ADGRG2: variants seen among roughly 807,000 people sequenced by gnomAD.
ADGRG2 encodes adhesion G protein-coupled receptor G2.
In ADGRG2, 26 loss-of-function variants were observed where a neutral mutation model predicts 74.1. The ratio of observed to expected loss-of-function variants is 0.35; its 90% confidence interval spans 0.26 to 0.49. The LOEUF (loss-of-function observed/expected upper bound fraction) is 0.49. Among genes scored for constraint, ADGRG2 ranks in the 20% least tolerant of loss-of-function variants. The pLI is 0.99. For synonymous variants in ADGRG2, 296 were observed against 295.2 expected (o/e 1.00, Z -0.03); for missense variants, 619 against 763.1 (o/e 0.81, Z 2.22).
In ADGRG2 at chrX:18,999,148, A is replaced by G; in HGVS notation, c.2462T>C (p.Leu821Pro). 8.3e-7 allele frequency: 1 copy of G among 1,211,261 alleles called. No individual in the cohort carries two copies. Among genetic ancestry groups the G allele is most frequent in the Non-Finnish European group, 1.1e-6 (1 of 895,112 alleles). The change falls in exon 26 of 29, where the codon CTG becomes CCG. Residue 821 changes from leucine (L) to proline (P), a missense_variant. Physicochemically the swap from Leu to Pro is moderately conservative, Grantham distance 98. Coordinates refer to ENST00000379869, the MANE Select transcript of ADGRG2 (RefSeq NM_001079858.3). ...AATACTGGTTTTTCGCTGGGCTCCC[A>G]GTTGCTTCTTCTTTTTAATTCGACA... is the stretch of plus-strand genomic sequence containing the variant. Reference protein sequence around the residue: ...QLCRIKKKKQLGAQRKTSIQD... With the variant: ...QLCRIKKKKQPGAQRKTSIQD...
chrX:19,064,438 T>C (rs11094761), intron 3 of ADGRG2, among the ~76,000 whole-genome samples: 32,723 of 111,191 alleles, frequency 0.29, 3,666 homozygotes, highest in East Asian at 0.41. Flanking sequence ...CCAGTACTGC[T>C]GGGCACACAG....
chrX:19,117,810 T>A (rs540776914), intron 1 of ADGRG2, among the ~76,000 whole-genome samples: 3 of 110,629 alleles, frequency 2.7e-5, no homozygotes, highest in African/African-American at 9.9e-5. Context: ...AGAGCAGGAC[T>A]CTATCTAAAT....
In ADGRG2 at chrX:19,018,273, TTTTG is replaced by T. The variant is rs974836715; in HGVS notation, c.710+1322_710+1325del. On this transcript the variant is annotated intron_variant, in intron 15 of 28. Coordinates refer to ENST00000379869, the MANE Select transcript of ADGRG2 (RefSeq NM_001079858.3). ...CAGGCACGTGCCACGATGCCCAGTT[TTTTG>T]TTTGTTTGTTTGTTTGTTTTTTTTT... is the stretch of plus-strand genomic sequence containing the variant. Among the ~76,000 whole-genome samples, 20 of 109,512 alleles carry T rather than the reference TTTTG, an allele frequency of 1.8e-4. 1 individual carries two copies. The South Asian group carries it at 2.0e-3, about 11-fold the overall frequency.
At chrX:19,007,926 A>T in intron 19 of ADGRG2, 54 bp downstream of exon 19, 2 of 1,050,450 alleles carry the variant, frequency 1.9e-6, no homozygotes, top group South Asian at 4.4e-5. Context: ...AAGAAATGAA[A>T]TGCCCTCATC....
chrX:19,068,466 G>A (rs2061600700), intron 3 of ADGRG2, among the ~76,000 whole-genome samples: 1 of 110,805 alleles, frequency 9.0e-6, no homozygotes, highest in Non-Finnish European at 1.9e-5. Context: ...GGGGGGGAAG[G>A]AAATTGGGAG....
chrX:19,093,780 T>A (rs1219800100), intron 1 of ADGRG2, among the ~76,000 whole-genome samples: 4 of 111,677 alleles, frequency 3.6e-5, no homozygotes, highest in African/African-American at 1.3e-4. Flanking sequence ...CAAATTTCAA[T>A]GACTGTGGTC....
intron 3 of ADGRG2, among the ~76,000 whole-genome samples, chrX:19,051,937 T>C (rs947372375): frequency 3.6e-5 from 4 of 112,349 alleles, no homozygotes; most frequent in African/African-American, 1.3e-4. Flanking sequence ...TAAATGACAG[T>C]TGTATTAAGC....
intron 3 of ADGRG2, among the ~76,000 whole-genome samples, chrX:19,053,264 G>A (rs1200918796): frequency 3.6e-5 from 4 of 111,284 alleles, no homozygotes; most frequent in Admixed American, 9.6e-5. Context: ...GGCAAGACAC[G>A]ATGAGGACTT....
intron 4 of ADGRG2, among the ~76,000 whole-genome samples, chrX:19,037,931 C>T (rs189509877): frequency 8.9e-5 from 10 of 111,988 alleles, no homozygotes; most frequent in African/African-American, 2.9e-4. Flanking sequence ...ACAAGAAATA[C>T]TACTTTAAAA....
At chrX:19,007,868 C>T (rs745372327) in intron 19 of ADGRG2, 112 bp downstream of exon 19, 34 of 578,359 alleles carry the variant, frequency 5.9e-5, no homozygotes, top group African/African-American at 9.2e-5. Flanking sequence ...TGCAGCATTT[C>T]GGCAATTCAT....
intron 1 of ADGRG2, among the ~76,000 whole-genome samples, chrX:19,101,201 G>C (rs1014076720): frequency 1.0e-4 from 11 of 108,627 alleles, no homozygotes; most frequent in Non-Finnish European, 1.7e-4. Context: ...TCTGGGAGTG[G>C]TTTGTGGATA....
chrX:19,064,373 C>G (rs187851369), intron 3 of ADGRG2, among the ~76,000 whole-genome samples: 1 of 112,645 alleles, frequency 8.9e-6, no homozygotes, highest in African/African-American at 3.2e-5. Flanking sequence ...GTCATAGTCA[C>G]GGCCCTCCAA....
chrX:19,045,613 G>T lies in ADGRG2; in HGVS notation c.119-5389C>A, dbSNP rs1423888412. 4.5e-5 allele frequency among the ~76,000 whole-genome samples: 5 copies of T among 110,022 alleles called. No homozygotes were observed. In the East Asian group the frequency reaches 1.4e-3, roughly 31 times the overall value. Reference sequence around the variant, plus strand: ...GTGAGCCACCGCGCCTGGCCATAGGGTTTTATTATTAATCTTCTTTAATCT... The same window carrying T: ...GTGAGCCACCGCGCCTGGCCATAGGTTTTTATTATTAATCTTCTTTAATCT... On this transcript the variant is annotated intron_variant, in intron 3 of 28. Coordinates refer to ENST00000379869, the MANE Select transcript of ADGRG2 (RefSeq NM_001079858.3).
At chrX:19,104,916 CAAAAAAAAAAAAA>C (rs1001242331) in intron 1 of ADGRG2, among the ~76,000 whole-genome samples, 2 of 23,370 alleles carry the variant, frequency 8.6e-5, no homozygotes, top group Middle Eastern at 0.024. Context: ...GACTCTGTCT[CAAAAAAAAAAAAA>C]AAAAAAAAAA....
intron 1 of ADGRG2, among the ~76,000 whole-genome samples, chrX:19,109,031 C>A (rs2062366013): frequency 9.1e-6 from 1 of 109,808 alleles, no homozygotes; most frequent in Non-Finnish European, 1.9e-5. Context: ...TAGGGAGACC[C>A]CATCTCAAAA....
chrX:19,019,744 G>A lies in ADGRG2; in HGVS notation c.644-79C>T, dbSNP rs765935941. 220 of 537,589 alleles carry A rather than the reference G, an allele frequency of 4.1e-4. 1 individual carries two copies. The East Asian group carries it at 7.0e-3, about 17-fold the overall frequency. 44.3% of individuals were successfully genotyped at this position (537,589 alleles called of 1,213,427 possible). A position where few individuals can be genotyped will look rare whatever the true frequency, so the allele number is the denominator to read the frequency against. The stretch of plus-strand genomic sequence containing the variant: ...CAAGGTGGCAGCTCAGAACCATTAA[G>A]TATCACGGTTCCTACACTGCATTTA... On this transcript the variant is annotated intron_variant, in intron 14 of 28. Coordinates refer to ENST00000379869, the MANE Select transcript of ADGRG2 (RefSeq NM_001079858.3).
In ADGRG2 at chrX:19,021,170, G is replaced by T; in HGVS notation, c.577C>A (p.Leu193Met). 9.2e-7 allele frequency: 1 copy of T among 1,092,687 alleles called. No homozygotes were observed. The highest frequency in any genetic ancestry group is 1.3e-6 in the Non-Finnish European group (1 of 788,206). The allele number at this position is 1,092,687 out of a possible 1,213,427, so 90.0% of individuals were successfully genotyped here. A position where few individuals can be genotyped will look rare whatever the true frequency, so the allele number is the denominator to read the frequency against. Residue 193 changes from leucine (L) to methionine (M), a missense_variant, in exon 14 of 29, where the codon CTG becomes ATG. Leu to Met is a conservative substitution (Grantham distance 15). Transcript: ENST00000379869. ...GCACATGCATTCATTGTATTATTCA[G>T]TTTTATTGTGAATGTACAATTTAAT... ...STLNCTFTIK[L>M]NNTMNACAVI... is the part of the protein sequence containing the mutation.
chrX:19,117,189 G>A (rs2062534283), intron 1 of ADGRG2, among the ~76,000 whole-genome samples: 1 of 109,531 alleles, frequency 9.1e-6, no homozygotes, highest in Admixed American at 9.8e-5. Flanking sequence ...CAGCTACTCG[G>A]GAGGCTGAGG....
chrX:19,019,861 T>C (rs1382543294), intron 14 of ADGRG2, among the ~76,000 whole-genome samples, 196 bp from the exon 15 acceptor site: 1 of 111,908 alleles, frequency 8.9e-6, no homozygotes, highest in African/African-American at 3.3e-5. Flanking sequence ...CTCAAAAATA[T>C]TTATTGATTT....
Sources: gnomAD v4.1 joint callset for allele counts (sites outside exome capture counted in the v4.1 genomes callset) on GRCh38, gnomAD v4.1.1 for gene constraint, MANE v1.5 for transcripts, NCBI Gene and HGNC (gene_info 2026-07-23, HGNC 2026-07-21) for gene names.